The following STK40 variants were observed in gnomAD, a reference collection of about 807,000 sequenced individuals.
STK40 encodes the protein serine/threonine kinase 40, also known as serine/threonine-protein kinase 40.
In STK40, 13 loss-of-function variants were observed where a neutral mutation model predicts 47.9. The observed-to-expected ratio is 0.27, with a 90% confidence interval of 0.18 to 0.43. STK40 has a LOEUF of 0.43. STK40 is among the 20% of genes least tolerant of loss of function. The pLI is 1.00. For missense variants in STK40, 460 were observed against 595.1 expected (o/e 0.77, Z 2.36); for synonymous variants, 225 against 243.2 (o/e 0.93, Z 0.69).
At chr1:36,348,006 C>T (rs182955579) in intron 7 of STK40, among the ~76,000 whole-genome samples, 20 of 152,340 alleles carry the variant, frequency 1.3e-4, no homozygotes, top group African/African-American at 4.8e-4. Flanking sequence ...AAAGTCAGCT[C>T]CATGAAGGCA....
intron 5 of STK40, among the ~76,000 whole-genome samples, chr1:36,354,928 T>C (rs1646789521): frequency 2.0e-5 from 3 of 152,124 alleles, no homozygotes; most frequent in Admixed American, 6.5e-5. Context: ...CATCACTACA[T>C]GGGGGTGGAC....
At position 36,367,868 on chromosome 1, in the gene STK40, G is replaced by A. The variant is rs930619583; in HGVS notation, c.-8-6528C>T. On this transcript the variant is annotated intron_variant, in intron 1 of 10. Coordinates refer to ENST00000373132, the MANE Select transcript of STK40 (RefSeq NM_001282547.2). Reference sequence around the variant, plus strand: ...ATTACCTACTTGACATACAGTAAGGGACTGTCCAGGATGAAGAGTCCGCCA... The same window carrying A: ...ATTACCTACTTGACATACAGTAAGGAACTGTCCAGGATGAAGAGTCCGCCA... 5 of 985,424 alleles carry A rather than the reference G, an allele frequency of 5.1e-6. No individual in the cohort carries two copies. The African/African-American group carries it at 7.0e-5, about 14-fold the overall frequency. The allele number at this position is 985,424 out of a possible 1,614,324, so 61.0% of individuals were successfully genotyped here.
At chr1:36,366,477 A>C (rs1285149302) in intron 1 of STK40, among the ~76,000 whole-genome samples, 1 of 152,062 alleles carries the variant, frequency 6.6e-6, no homozygotes, top group Non-Finnish European at 1.5e-5. Context: ...AGAAAACCGG[A>C]AGCTGCTGCA....
chr1:36,375,355 A>G (rs1294512164), intron 1 of STK40, among the ~76,000 whole-genome samples: 2 of 151,880 alleles, frequency 1.3e-5, no homozygotes, highest in Non-Finnish European at 1.5e-5. Context: ...AAAAATACAA[A>G]AATTAGCTGG....
At chr1:36,354,704 T>G (rs977754060) in intron 5 of STK40, among the ~76,000 whole-genome samples, 7 of 152,126 alleles carry the variant, frequency 4.6e-5, no homozygotes, top group African/African-American at 1.7e-4. Flanking sequence ...ACTCATTTTT[T>G]CCCCTCCATT....
Position 36,341,942 on chromosome 1 carries a change from T to TACATG in STK40, c.1120_1121insCATGT (p.Glu374AlafsTer49). The TACATG allele has an allele frequency of 1.2e-6, 2 of 1,613,936 alleles. No homozygotes were observed. The highest frequency in any genetic ancestry group is 1.7e-6 in the Non-Finnish European group (2 of 1,179,912). Reference sequence around the variant, plus strand: ...CTGCTGACGCATGTAGTTCTCAAACTCGTACTGGGAGCACTCCTCCGTCAC... The same window carrying TACATG: ...CTGCTGACGCATGTAGTTCTCAAACTACATGCGTACTGGGAGCACTCCTCCGTCAC... On this transcript the variant is annotated frameshift_variant, in exon 11 of 11. Coordinates refer to ENST00000373132, the MANE Select transcript of STK40 (RefSeq NM_001282547.2). LOFTEE classifies it high-confidence loss of function.
chr1:36,366,614 C>T (rs1263681598), intron 1 of STK40, among the ~76,000 whole-genome samples: 1 of 152,122 alleles, frequency 6.6e-6, no homozygotes, highest in Non-Finnish European at 1.5e-5. Flanking sequence ...ACAAACACTC[C>T]TCTAGAGGGC....
chr1:36,367,609 G>A (rs555892658), intron 1 of STK40, among the ~76,000 whole-genome samples: 1 of 152,202 alleles, frequency 6.6e-6, no homozygotes, highest in Admixed American at 6.5e-5. Flanking sequence ...AGCTGGCAGG[G>A]ATAGCTCTAC....
At chr1:36,355,894 G>A (rs1211650329) in intron 4 of STK40, among the ~76,000 whole-genome samples, 2 of 152,164 alleles carry the variant, frequency 1.3e-5, no homozygotes, top group African/African-American at 2.4e-5. Context: ...TACAGGTTCT[G>A]TGTATCCAGG....
rs1415657465 is a variant in STK40 at position 36,348,770 on chromosome 1, C to T, written c.669G>A (p.Leu223=). ...TITNFCLGKH[L]VSEGDLLKDQ... ...CCTTCAGCAGGTCCCCCTCGCTCAC[C>T]AGATGCTTCCCGAGGCAGAAGTTGG... The change falls in exon 7 of 11, where the codon CTG becomes CTA. Residue 223 remains leucine (L), a synonymous_variant. Transcript: ENST00000373132. 6.2e-7 allele frequency: 1 copy of T among 1,610,186 alleles called. No homozygotes were observed. The highest frequency in any genetic ancestry group is 1.3e-5 in the African/African-American group (1 of 74,820).
chr1:36,365,795 A>C, intron 1 of STK40, among the ~76,000 whole-genome samples: 1 of 152,302 alleles, frequency 6.6e-6, no homozygotes, highest in South Asian at 2.1e-4. Context: ...AGTACTTTCC[A>C]GATTTTGTAA....
chr1:36,369,428 C>G (rs144747058), intron 1 of STK40, among the ~76,000 whole-genome samples: 352 of 152,236 alleles, frequency 2.3e-3, no homozygotes, highest in Non-Finnish European at 4.2e-3. Context: ...CAGGAAGAAC[C>G]CCAATTCCTC....
At chr1:36,344,448 G>A (rs1332071002) in intron 7 of STK40, among the ~76,000 whole-genome samples, 184 bp from the exon 8 acceptor site, 1 of 152,168 alleles carries the variant, frequency 6.6e-6, no homozygotes, top group Non-Finnish European at 1.5e-5. Context: ...CCTGCCCCAA[G>A]GAGAGGGCTC....
At chr1:36,343,615 T>A (rs1047186325) in intron 9 of STK40, among the ~76,000 whole-genome samples, 167 bp from the exon 10 acceptor site, 3 of 152,140 alleles carry the variant, frequency 2.0e-5, no homozygotes, top group Non-Finnish European at 4.4e-5. Context: ...CCCTTACAGG[T>A]GGTGGTGAGA....
At chr1:36,354,547 C>T (rs989351092) in intron 5 of STK40, 131 bp from the exon 6 acceptor site, 1 of 874,744 alleles carries the variant, frequency 1.1e-6, no homozygotes, top group African/African-American at 1.6e-5. Flanking sequence ...CTTTAGGCTC[C>T]AAGCACAGGC....
chr1:36,343,314 A>G lies in STK40; in HGVS notation c.1089+50T>C. ...TGCCCTTGCCCTGCCTGCCCCCAGA[A>G]GCCTGTCCCTTGGGGCTGGGTAATG... On this transcript the variant is annotated intron_variant, in intron 10 of 10. Transcript: ENST00000373132. The G allele has an allele frequency of 2.5e-6, 4 of 1,577,508 alleles. No homozygotes were observed. The South Asian group carries it at 4.6e-5, about 18-fold the overall frequency.
intron 1 of STK40, among the ~76,000 whole-genome samples, chr1:36,383,102 C>T (rs1450524363): frequency 1.3e-5 from 2 of 152,190 alleles, no homozygotes; most frequent in African/African-American, 4.8e-5. Context: ...GCATGCACCA[C>T]CACGTCCGGC....
At position 36,361,295 on chromosome 1, in the gene STK40, G is replaced by A. The variant is rs1376209109; in HGVS notation, c.38C>T (p.Thr13Met). 5.0e-6 allele frequency: 8 copies of A among 1,614,186 alleles called. No homozygotes were observed. Among genetic ancestry groups the A allele is most frequent in the Middle Eastern group, 1.6e-4 (1 of 6,062 alleles). The change falls in exon 2 of 11, where the codon ACG becomes ATG. Residue 13 changes from threonine to methionine, a missense_variant. By Grantham distance (81) the Thr-to-Met change is moderately conservative. This residue lies in a region of STK40 where 277 missense variants were observed against 358.7 expected (regional missense o/e 0.77). Transcript: ENST00000373132. ...TCCTAGAGCCTTGGCCCTGGCCGAC[G>A]TTTCCCCAGCTCCTCTGTCTGATGC... ...RRASDRGAGE[T>M]SARAKALGSG...
chr1:36,345,991 A>ATATATATATTTTTTTTTTT, intron 7 of STK40, among the ~76,000 whole-genome samples: 65 of 26,456 alleles, frequency 2.5e-3, no homozygotes, highest in African/African-American at 7.4e-3. Flanking sequence ...ATATATATAT[A>ATATATATATTTTTTTTTTT]TTTTTTTTTT....
Sources: allele counts gnomAD v4.1 joint callset (sites outside exome capture counted in the v4.1 genomes callset), GRCh38; gene constraint gnomAD v4.1.1; regional missense constraint gnomAD v4.1.1; transcripts MANE v1.5; gene names NCBI Gene and HGNC (gene_info 2026-07-23, HGNC 2026-07-21).